The following FERMT2 variants were observed in gnomAD, a reference collection of about 807,000 sequenced individuals.
FERMT2 encodes fermitin family homolog 2.
A neutral mutation model predicts 82.7 loss-of-function variants in FERMT2; 15 were observed. The observed-to-expected ratio is 0.18, with a 90% CI of 0.12 to 0.28. The LOEUF (loss-of-function observed/expected upper bound fraction) is 0.28, where lower values mean the gene tolerates loss of function less well. FERMT2 is among the 10% of genes least tolerant of loss of function. The pLI is 1.00. For synonymous variants in FERMT2, 274 were observed against 271.5 expected, an observed-to-expected ratio of 1.01 and a Z score of -0.09; for missense variants, 645 against 809.4, an observed-to-expected ratio of 0.80 and a Z score of 2.46.
intron 4 of FERMT2, among the ~76,000 whole-genome samples, chr14:52,891,476 GA>G (rs1240077847): frequency 6.6e-6 from 1 of 152,134 alleles, no homozygotes; most frequent in Non-Finnish European, 1.5e-5. Context: ...AGAAAAGTTA[GA>G]AGGCTTGTGA....
chr14:52,875,090 T>A, intron 8 of FERMT2, 133 bp downstream of exon 8: 1 of 788,354 alleles, frequency 1.3e-6, no homozygotes, highest in Non-Finnish European at 2.0e-6. Flanking sequence ...CCTGAAAAAT[T>A]AACATCTGAT....
Position 52,857,681 on chromosome 14 carries a change from T to C in FERMT2, c.*696A>G, listed in dbSNP as rs943864148. ...TTAGTTACACAAAATGCATACTTCATAGAACTTTACTTCATATTGTAATGC... is the reference window on the plus strand; with the variant it reads ...TTAGTTACACAAAATGCATACTTCACAGAACTTTACTTCATATTGTAATGC... On this transcript the variant is annotated 3_prime_UTR_variant, in exon 15 of 15. Coordinates refer to ENST00000341590, the MANE Select transcript of FERMT2 (RefSeq NM_006832.3). 1 of 152,642 alleles carries C rather than the reference T, an allele frequency of 6.6e-6. No individual in the cohort carries two copies. The highest frequency in any genetic ancestry group is 1.5e-5 in the Non-Finnish European group (1 of 68,038). 9.5% of individuals were successfully genotyped at this position (152,642 alleles called of 1,614,324 possible).
In FERMT2 at chr14:52,859,731, A is replaced by T. The variant is rs763151830; in HGVS notation, c.1728-17T>A. On this transcript the variant is annotated splice_polypyrimidine_tract_variant and intron_variant, in intron 13 of 14. Transcript: ENST00000341590. ...CCTTGGAACCTATAACATTTAAGAA[A>T]AGAACGGTTAAAAACATGTTGTGGG... 1.3e-6 allele frequency: 2 copies of T among 1,504,912 alleles called. No homozygotes were observed. Among genetic ancestry groups the T allele is most frequent in the Non-Finnish European group, 1.8e-6 (2 of 1,104,262 alleles). The allele number at this position is 1,504,912 out of a possible 1,614,324, so 93.2% of individuals were successfully genotyped here.
Position 52,950,434 on chromosome 14 carries a change from C to T in FERMT2, c.135G>A (p.Met45Ile), listed in dbSNP as rs1890575519. 1.2e-6 allele frequency: 2 copies of T among 1,613,996 alleles called. No individual in the cohort carries two copies. Among genetic ancestry groups the T allele is most frequent in the Non-Finnish European group, 8.5e-7 (1 of 1,179,960 alleles). Residue 45 changes from methionine (M) to isoleucine (I), a missense_variant, in exon 2 of 15, where the codon ATG (methionine) becomes ATA (isoleucine). Physicochemically the swap from Met to Ile is conservative, Grantham distance 10. Coordinates refer to ENST00000341590, the MANE Select transcript of FERMT2 (RefSeq NM_006832.3). ...VTGEVHIGGVMLKLVEKLDVK... is the reference protein window; with the variant it reads ...VTGEVHIGGVILKLVEKLDVK... The stretch of plus-strand genomic sequence containing the variant: ...CACCGAGTTTCTCCACCAGCTTAAG[C>T]ATCACGCCTCCAATGTGCACCTCGC...
At chr14:52,894,135 C>T (rs994911237) in intron 3 of FERMT2, among the ~76,000 whole-genome samples, 1 of 152,164 alleles carries the variant, frequency 6.6e-6, no homozygotes, top group Admixed American at 6.5e-5. Context: ...CCCCAAATCT[C>T]AAATTTTAAT....
At position 52,858,489 on chromosome 14, in the gene FERMT2, T is replaced by C. The variant is rs776834850; in HGVS notation, c.1931A>G (p.Lys644Arg). 8 of 1,614,126 alleles carry C rather than the reference T, an allele frequency of 5.0e-6. No individual in the cohort carries two copies. The highest frequency in any genetic ancestry group is 2.2e-5 in the South Asian group (2 of 91,080). ...GCCACCAATGAATTCATGAACCACTTTGCAATCTACTTCAGTACAAATGAA... is the reference window on the plus strand; with the variant it reads ...GCCACCAATGAATTCATGAACCACTCTGCAATCTACTTCAGTACAAATGAA... ...LSFICTEVDC[K>R]VVHEFIGGYI... Residue 644 changes from lysine (K) to arginine (R), a missense_variant, in exon 15 of 15, where the codon AAA becomes AGA. Transcript: ENST00000341590.
intron 3 of FERMT2, among the ~76,000 whole-genome samples, chr14:52,897,358 A>G (rs1217122070): frequency 6.6e-6 from 1 of 152,196 alleles, no homozygotes; most frequent in Non-Finnish European, 1.5e-5. Flanking sequence ...AAAGGTTATA[A>G]TAATTTTAAG....
chr14:52,913,159 C>T (rs1888421287), intron 3 of FERMT2, among the ~76,000 whole-genome samples: 1 of 152,058 alleles, frequency 6.6e-6, no homozygotes, highest in Non-Finnish European at 1.5e-5. Context: ...AATATCACCC[C>T]GAGATAACCT....
rs1294407684 is a variant in FERMT2 at position 52,864,860 on chromosome 14, C to CA, written c.1274-8dup. The CA allele has an allele frequency of 2.6e-6, 4 of 1,526,592 alleles. No homozygotes were observed. The highest frequency in any genetic ancestry group is 2.3e-5 in the South Asian group (2 of 85,692). The allele number at this position is 1,526,592 out of a possible 1,614,324, so 94.6% of individuals were successfully genotyped here. On this transcript the variant is annotated splice_polypyrimidine_tract_variant and splice_region_variant and intron_variant, in intron 10 of 14. Transcript: ENST00000341590. ...TCTGGGGTAACTTCACATCCTGTAA[C>CA]AAAAAATTTTTATTAAAATGGCTAA...
At chr14:52,909,552 C>CT (rs1278291528) in intron 3 of FERMT2, among the ~76,000 whole-genome samples, 1 of 152,194 alleles carries the variant, frequency 6.6e-6, no homozygotes, top group East Asian at 1.9e-4. Context: ...CTTTGGGAGG[C>CT]TGAGGCAGGT....
At chr14:52,891,873 C>A (rs945469630) in intron 4 of FERMT2, among the ~76,000 whole-genome samples, 1 of 152,194 alleles carries the variant, frequency 6.6e-6, no homozygotes, top group Non-Finnish European at 1.5e-5. Flanking sequence ...AGCTTCCCAA[C>A]AGACATCACC....
chr14:52,919,014 A>G, intron 3 of FERMT2, 109 bp downstream of exon 3: 1 of 694,070 alleles, frequency 1.4e-6, no homozygotes. Flanking sequence ...ACATACATAT[A>G]TACAGATAGT....
chr14:52,871,391 G>A (rs1438939086), intron 10 of FERMT2: 2 of 152,250 alleles, frequency 1.3e-5, no homozygotes, highest in Non-Finnish European at 2.9e-5. Context: ...GCTCACGGGA[G>A]AGTGGTCCTC....
At chr14:52,885,732 CTAACT>C (rs1337242397) in intron 4 of FERMT2, among the ~76,000 whole-genome samples, 1 of 151,922 alleles carries the variant, frequency 6.6e-6, no homozygotes, top group Non-Finnish European at 1.5e-5. Context: ...TAAAATTTAC[CTAACT>C]TATTATAAAT....
At chr14:52,902,922 G>A (rs1887761267) in intron 3 of FERMT2, among the ~76,000 whole-genome samples, 5 of 64,304 alleles carry the variant, frequency 7.8e-5, no homozygotes, top group Admixed American at 1.7e-4. Flanking sequence ...AAATGTGATA[G>A]CCACCAAAAA....
chr14:52,915,325 A>T (rs2139626957), intron 3 of FERMT2, among the ~76,000 whole-genome samples: 1 of 152,350 alleles, frequency 6.6e-6, no homozygotes, highest in South Asian at 2.1e-4. Flanking sequence ...AACCCACGCA[A>T]TTCTGAAAAA....
chr14:52,950,752 C>G, intron 1 of FERMT2, 169 bp downstream of exon 1: 1 of 559,642 alleles, frequency 1.8e-6, no homozygotes, highest in East Asian at 3.3e-5. Context: ...ACGCCCCGCT[C>G]GCCCCGCAGC....
chr14:52,915,606 C>T (rs1888572790), intron 3 of FERMT2, among the ~76,000 whole-genome samples: 1 of 152,090 alleles, frequency 6.6e-6, no homozygotes, highest in Non-Finnish European at 1.5e-5. Flanking sequence ...TCACCAAATG[C>T]ACAAAAGTAA....
intron 3 of FERMT2, among the ~76,000 whole-genome samples, chr14:52,900,986 C>T (rs1353671227): frequency 4.6e-5 from 7 of 151,478 alleles, no homozygotes; most frequent in Non-Finnish European, 8.8e-5. Flanking sequence ...CCAGGCCAGG[C>T]GCAGTGGCTC....
Sources: allele counts gnomAD v4.1 joint callset (sites outside exome capture counted in the v4.1 genomes callset), GRCh38; gene constraint gnomAD v4.1.1; transcripts MANE v1.5; gene names NCBI Gene and HGNC (gene_info 2026-07-23, HGNC 2026-07-21).